Variants in EDN1 observed in about 807,000 individuals in gnomAD.
EDN1 encodes the protein endothelin 1.
In EDN1, 11 loss-of-function variants were observed where a neutral mutation model predicts 21.7. The ratio of observed to expected loss-of-function variants is 0.51; its 90% CI spans 0.32 to 0.84. The LOEUF is 0.84. Ranked by LOEUF, EDN1 falls within the 40% of genes least tolerant of loss-of-function variation. The pLI, the probability that EDN1 is intolerant of heterozygous loss-of-function variation, is 0.03. For synonymous variants in EDN1, 85 were observed against 90.6 expected (o/e 0.94, Z 0.35); for missense variants, 244 against 262.3 (o/e 0.93, Z 0.48).
At chr6:12,288,313 G>T (rs146988956), upstream of EDN1, among the ~76,000 whole-genome samples, 4 of 152,126 alleles carry the variant, frequency 2.6e-5, no homozygotes, top group Non-Finnish European at 4.4e-5. Context: ...GGGAGTGTTG[G>T]GGGGGAGGCG....
In EDN1 at chr6:12,292,240, C is replaced by T. The variant is rs944830337; in HGVS notation, c.65-101C>T. The T allele has an allele frequency of 7.8e-6, 12 of 1,533,104 alleles. No homozygotes were observed. In the African/African-American group the frequency reaches 1.5e-4, roughly 19 times the overall value. 95.0% of individuals were successfully genotyped at this position (1,533,104 alleles called of 1,614,324 possible). The stretch of plus-strand genomic sequence containing the variant: ...GCTGATGGCAGGCTGTGTGCTTCAT[C>T]TGCTTTTATCTGCTCTGCTAGCTCT... On this transcript the variant is annotated intron_variant, in intron 1 of 4. Transcript: ENST00000379375.
chr6:12,295,643 A>G (rs1629862), intron 4 of EDN1, among the ~76,000 whole-genome samples: 135,298 of 152,142 alleles, frequency 0.89, 60,165 homozygotes, highest in East Asian at 0.97. Context: ...AGGCAGGGTC[A>G]CATAGTGATG....
At chr6:12,293,535 G>A (rs1032312046) in intron 2 of EDN1, among the ~76,000 whole-genome samples, 7 of 152,162 alleles carry the variant, frequency 4.6e-5, no homozygotes, top group African/African-American at 1.7e-4. Flanking sequence ...AATCCTGTGA[G>A]TCATGGTTTT....
At chr6:12,246,408 T>C in the EDN1 span, among the ~76,000 whole-genome samples, 4 of 152,208 alleles carry the variant, frequency 2.6e-5, no homozygotes, top group African/African-American at 9.6e-5. Flanking sequence ...AAAAACCATT[T>C]TCCCAGACAG....
upstream of EDN1, among the ~76,000 whole-genome samples, chr6:12,287,687 C>CA (rs1491471251): frequency 1.9e-5 from 2 of 107,568 alleles, no homozygotes. Context: ...CTCTCTCTCT[C>CA]CCTCTCTCTC....
the EDN1 span, among the ~76,000 whole-genome samples, chr6:12,274,939 C>CTCCTTCCTTCCTTCCTTCCTTCCTTCCT: frequency 0.013 from 1,801 of 135,360 alleles, 24 homozygotes; most frequent in South Asian, 0.036. Context: ...TTTCTTCCTT[C>CTCCTTCCTTCCTTCCTTCCTTCCTTCCT]TCCTTCCTTC....
At chr6:12,231,843 A>G in the EDN1 span, among the ~76,000 whole-genome samples, 1 of 151,960 alleles carries the variant, frequency 6.6e-6, no homozygotes, top group African/African-American at 2.4e-5. Flanking sequence ...GTGTTCAGTG[A>G]TGACTGTGGA....
the EDN1 span, among the ~76,000 whole-genome samples, chr6:12,277,443 C>T: frequency 6.6e-6 from 1 of 152,228 alleles, no homozygotes; most frequent in East Asian, 1.9e-4. Flanking sequence ...GTAAGTACTA[C>T]TCTTTTCACA....
At chr6:12,294,540 T>C in intron 4 of EDN1, 136 bp downstream of exon 4, 1 of 968,334 alleles carries the variant, frequency 1.0e-6, no homozygotes. Flanking sequence ...GCAGAGGAGA[T>C]CTATGCATCC....
At chr6:12,276,347 C>T in the EDN1 span, among the ~76,000 whole-genome samples, 3 of 152,110 alleles carry the variant, frequency 2.0e-5, no homozygotes, top group South Asian at 2.1e-4. Flanking sequence ...GGGAACTCCA[C>T]GTATGCTATG....
intron 2 of EDN1, among the ~76,000 whole-genome samples, chr6:12,293,137 T>C (rs1033720519): frequency 1.3e-5 from 2 of 152,166 alleles, no homozygotes; most frequent in African/African-American, 4.8e-5. Context: ...ATTTCCTCCT[T>C]CTGCCCTGGA....
At chr6:12,268,708 G>T in the EDN1 span, among the ~76,000 whole-genome samples, 1 of 152,046 alleles carries the variant, frequency 6.6e-6, no homozygotes, top group South Asian at 2.1e-4. Flanking sequence ...TGCTGTTTTG[G>T]TTACTATAGA....
the EDN1 span, among the ~76,000 whole-genome samples, chr6:12,282,851 T>A: frequency 2.0e-5 from 3 of 152,210 alleles, no homozygotes; most frequent in Admixed American, 6.5e-5. Flanking sequence ...GCAAGTCACG[T>A]GTGAGAAAGA....
At chr6:12,236,204 G>T in the EDN1 span, among the ~76,000 whole-genome samples, 1 of 152,172 alleles carries the variant, frequency 6.6e-6, no homozygotes, top group Non-Finnish European at 1.5e-5. Flanking sequence ...TCACTTTGTA[G>T]GTTTTTCCAT....
intron 4 of EDN1, 136 bp from the exon 5 acceptor site, chr6:12,295,826 A>G (rs1762809039): frequency 3.8e-6 from 3 of 786,640 alleles, no homozygotes; most frequent in Non-Finnish European, 6.3e-6. Context: ...GTTTTATCAA[A>G]GAGTTGCGGC....
the EDN1 span, among the ~76,000 whole-genome samples, chr6:12,257,199 C>G: frequency 3.3e-5 from 5 of 152,274 alleles, no homozygotes; most frequent in Admixed American, 2.6e-4. Context: ...TTTATGCAAA[C>G]TGACAATTGA....
chr6:12,261,281 T>A, the EDN1 span, among the ~76,000 whole-genome samples: 8 of 152,120 alleles, frequency 5.3e-5, no homozygotes, highest in Non-Finnish European at 1.0e-4. Context: ...AAGAGAACCA[T>A]GTGATTCAAG....
At chr6:12,290,045 T>C (rs886135092), upstream of EDN1, among the ~76,000 whole-genome samples, 19 of 152,194 alleles carry the variant, frequency 1.2e-4, no homozygotes, top group African/African-American at 4.6e-4. Flanking sequence ...GAGTCCCCTC[T>C]TCTGATTCTT....
At chr6:12,292,691 A>G (rs1762715740) in intron 2 of EDN1, among the ~76,000 whole-genome samples, 182 bp downstream of exon 2, 2 of 152,156 alleles carry the variant, frequency 1.3e-5, no homozygotes, top group Non-Finnish European at 2.9e-5. Flanking sequence ...CTTAGCAACC[A>G]AGGGGAGGGT....
Sources: allele counts gnomAD v4.1 joint callset (sites outside exome capture counted in the v4.1 genomes callset), GRCh38; gene constraint gnomAD v4.1.1; transcripts MANE v1.5; gene names NCBI Gene and HGNC (gene_info 2026-07-23, HGNC 2026-07-21).